PFKFB3: variants seen among roughly 807,000 people sequenced by gnomAD.
PFKFB3 encodes the protein 6-phosphofructo-2-kinase/fructose-2,6-bisphosphatase 3.
Under a neutral mutation model 68.0 loss-of-function variants are expected in PFKFB3, and 33 were observed. That is an observed-to-expected ratio of 0.49 (90% CI 0.37 to 0.65). PFKFB3 has a LOEUF of 0.65. Among genes scored for constraint, PFKFB3 ranks in the 30% least tolerant of loss-of-function variants. The probability of loss-of-function intolerance (pLI) is 0.00; values close to 1 mark genes in which losing one functional copy is unlikely to be tolerated. For missense variants in PFKFB3, 586 were observed against 712.2 expected, an observed-to-expected ratio of 0.82 and a Z score of 2.02; for synonymous variants, 315 against 288.2, an observed-to-expected ratio of 1.09 and a Z score of -0.94.
intron 1 of PFKFB3, among the ~76,000 whole-genome samples, chr10:6,169,587 C>A (rs1045671957): frequency 6.6e-6 from 1 of 152,116 alleles, no homozygotes; most frequent in South Asian, 2.1e-4. Flanking sequence ...GAACTTGCTG[C>A]GCTGATGGTG....
chr10:6,159,728 A>G (rs1167193684), intron 1 of PFKFB3, among the ~76,000 whole-genome samples: 1 of 151,700 alleles, frequency 6.6e-6, no homozygotes, highest in Non-Finnish European at 1.5e-5. Context: ...CAAAAAACCA[A>G]AAACCAAAAA....
chr10:6,217,737 A>G (rs1421692124), intron 6 of PFKFB3, among the ~76,000 whole-genome samples: 4 of 152,206 alleles, frequency 2.6e-5, no homozygotes, highest in South Asian at 2.1e-4. Context: ...GGCACTTGGC[A>G]TCATAACTTG....
At chr10:6,223,905 C>A in intron 11 of PFKFB3, 53 bp from the exon 12 acceptor site, 1 of 1,514,700 alleles carries the variant, frequency 6.6e-7, no homozygotes, top group Non-Finnish European at 9.2e-7. Flanking sequence ...GCGTGAGCCA[C>A]CACGCCTGGC....
At chr10:6,315,731 C>CT in the PFKFB3 span, among the ~76,000 whole-genome samples, 1 of 152,232 alleles carries the variant, frequency 6.6e-6, no homozygotes, top group African/African-American at 2.4e-5. Context: ...GGTGATCCTC[C>CT]TGCCTTGGGC....
At chr10:6,216,073 C>T (rs372840282) in intron 3 of PFKFB3, 52 bp from the exon 4 acceptor site, 16 of 1,537,062 alleles carry the variant, frequency 1.0e-5, no homozygotes, top group Non-Finnish European at 1.2e-5. Context: ...GCTTGGGCTG[C>T]CCCAGCGGAT....
intron 1 of PFKFB3, among the ~76,000 whole-genome samples, chr10:6,147,770 G>T (rs1841438585): frequency 6.6e-6 from 1 of 152,028 alleles, no homozygotes; most frequent in Admixed American, 6.5e-5. Flanking sequence ...CTGACGGGGT[G>T]GTCCATACAG....
At chr10:6,226,136 T>C in intron 13 of PFKFB3, 56 bp from the exon 14 acceptor site, 1 of 1,454,530 alleles carries the variant, frequency 6.9e-7, no homozygotes, top group Non-Finnish European at 9.2e-7. Context: ...GGGGCTAATT[T>C]TCCTCCCCTT....
intron 14 of PFKFB3, among the ~76,000 whole-genome samples, chr10:6,241,394 C>T (rs1846137696): frequency 1.3e-5 from 2 of 152,298 alleles, no homozygotes; most frequent in Middle Eastern, 3.4e-3. Flanking sequence ...TGGTGTCTAA[C>T]CACTCTTACC....
At position 6,220,625 on chromosome 10, in the gene PFKFB3, T is replaced by C. The variant is rs201602221; in HGVS notation, c.624-33T>C. ...GTGCATCCTGCTGTGGGTGGTGGCCTGAGCTGTGGTTCTCGGTGGGGTCTC... is the reference window on the plus strand; with the variant it reads ...GTGCATCCTGCTGTGGGTGGTGGCCCGAGCTGTGGTTCTCGGTGGGGTCTC... On this transcript the variant is annotated intron_variant, in intron 7 of 14. Coordinates refer to ENST00000379775, the MANE Select transcript of PFKFB3 (RefSeq NM_004566.4). This position sits in a 1 kb window ranked among gnomAD's most constrained non-coding sequence, Gnocchi z 4.1. The C allele has an allele frequency of 1.7e-4, 277 of 1,599,344 alleles. No individual in the cohort carries two copies. The highest frequency in any genetic ancestry group is 9.4e-6 in the Non-Finnish European group (11 of 1,168,632).
intron 14 of PFKFB3, 112 bp downstream of exon 14, chr10:6,226,477 G>A: frequency 2.0e-6 from 2 of 991,362 alleles, no homozygotes; most frequent in Non-Finnish European, 2.9e-6. Flanking sequence ...GGGTGCGTGT[G>A]GGTGCGCGTG....
At chr10:6,203,703 C>G (rs1843491868) in intron 1 of PFKFB3, among the ~76,000 whole-genome samples, 1 of 152,052 alleles carries the variant, frequency 6.6e-6, no homozygotes, top group Admixed American at 6.5e-5. Context: ...CCCGGCCGCT[C>G]GCGCCTCCGC....
At chr10:6,262,180 C>T in the PFKFB3 span, among the ~76,000 whole-genome samples, 8 of 152,064 alleles carry the variant, frequency 5.3e-5, no homozygotes, top group South Asian at 4.2e-4. Context: ...GTTGGCCGGG[C>T]GTGGTGGCTC....
intron 7 of PFKFB3, 50 bp downstream of exon 7, chr10:6,219,743 C>T: frequency 6.3e-7 from 1 of 1,584,636 alleles, no homozygotes; most frequent in Non-Finnish European, 8.6e-7. Context: ...AGGGTTCTTA[C>T]TGAATTCTTG....
At chr10:6,175,913 C>T (rs977287710) in intron 1 of PFKFB3, among the ~76,000 whole-genome samples, 1 of 152,246 alleles carries the variant, frequency 6.6e-6, no homozygotes, top group East Asian at 1.9e-4. Flanking sequence ...GAAATCCATA[C>T]AATCATCTTG....
chr10:6,251,121 T>C (rs1309129006), intron 14 of PFKFB3, among the ~76,000 whole-genome samples: 1 of 152,224 alleles, frequency 6.6e-6, no homozygotes, highest in Non-Finnish European at 1.5e-5. Flanking sequence ...ACCCAAAATA[T>C]ATTTTCCAGC....
chr10:6,279,949 AG>A, the PFKFB3 span, among the ~76,000 whole-genome samples: 95,416 of 152,000 alleles, frequency 0.63, 30,641 homozygotes, highest in Middle Eastern at 0.71. Flanking sequence ...TGGAAGACTC[AG>A]AGCTTTGCAG....
the PFKFB3 span, chr10:6,277,767 G>A: frequency 2.3e-6 from 1 of 428,780 alleles, no homozygotes; most frequent in Non-Finnish European, 4.7e-6. Flanking sequence ...GGAACTATGA[G>A]CCAATGAAAC....
chr10:6,259,578 CCACT>C (rs1349692114), downstream of PFKFB3, among the ~76,000 whole-genome samples: 1 of 86,540 alleles, frequency 1.2e-5, no homozygotes, highest in African/African-American at 3.6e-5. Flanking sequence ...ACTCATCCAT[CCACT>C]CATCCATCCA....
rs570051954 is a variant in PFKFB3 at position 6,156,559 on chromosome 10, G to A, written c.16+11546G>A. Among the ~76,000 whole-genome samples the A allele has an allele frequency of 1.5e-3, 229 of 151,988 alleles. 1 individual carries two copies. The highest frequency in any genetic ancestry group is 4.9e-3 in the African/African-American group (205 of 41,484). ...GTCTCGCTCTGCGGCCCAGGCTGAT[G>A]TGCAGTGGCACAATCTCGGCTCACT... On this transcript the variant is annotated intron_variant, in intron 1 of 14. Coordinates refer to the PFKFB3 transcript ENST00000379789.
Sources: allele counts gnomAD v4.1 joint callset (sites outside exome capture counted in the v4.1 genomes callset), GRCh38; gene constraint gnomAD v4.1.1; non-coding constraint Gnocchi (gnomAD v3.1); transcripts MANE v1.5; gene names NCBI Gene and HGNC (gene_info 2026-07-23, HGNC 2026-07-21).